Variants in ACTN4 observed in about 807,000 individuals in gnomAD.
ACTN4 encodes the protein alpha-actinin-4.
Under a neutral mutation model 114.2 loss-of-function variants are expected in ACTN4, and 18 were observed. That is an observed-to-expected ratio of 0.16 (90% CI 0.11 to 0.23). The LOEUF (loss-of-function observed/expected upper bound fraction) is 0.23. ACTN4 is among the 10% of genes least tolerant of loss of function. The pLI is 1.00. For missense variants in ACTN4, 722 were observed against 1,262.9 expected (o/e 0.57, Z 6.49); for synonymous variants, 515 against 506.3 (o/e 1.02, Z -0.23).
At chr19:38,710,457 C>G in intron 8 of ACTN4, 115 bp downstream of exon 8, 1 of 1,113,592 alleles carries the variant, frequency 9.0e-7, no homozygotes, top group Non-Finnish European at 1.3e-6. Flanking sequence ...CTCTCTCCAA[C>G]TGGAAGCCAC....
In ACTN4 at chr19:38,658,827, C is replaced by CT. The variant is rs534625864; in HGVS notation, c.162+10930dup. Among the ~76,000 whole-genome samples the CT allele has an allele frequency of 1.1e-3, 163 of 148,836 alleles. 1 individual carries two copies. Among genetic ancestry groups the CT allele is most frequent in the African/African-American group, 3.5e-3 (142 of 40,620 alleles). Reference sequence around the variant, plus strand: ...CATCACCAGGATTGTGAGGCAGTTACTTTTTTTTTTGGATCGTTTGAGCTA... The same window carrying CT: ...CATCACCAGGATTGTGAGGCAGTTACTTTTTTTTTTTGGATCGTTTGAGCTA... On this transcript the variant is annotated intron_variant, in intron 1 of 20. Transcript: ENST00000252699.
At chr19:38,725,657 C>G in intron 16 of ACTN4, 67 bp from the exon 17 acceptor site, 1 of 1,565,532 alleles carries the variant, frequency 6.4e-7, no homozygotes, top group Non-Finnish European at 8.7e-7. Context: ...CGCGAGTGGG[C>G]TCCTCCAGGT....
intron 1 of ACTN4, among the ~76,000 whole-genome samples, chr19:38,675,512 G>A (rs779684788): frequency 1.3e-5 from 2 of 152,230 alleles, no homozygotes; most frequent in Non-Finnish European, 2.9e-5. Flanking sequence ...AGGATTACAG[G>A]CGTGAGCCGC....
intron 1 of ACTN4, among the ~76,000 whole-genome samples, chr19:38,655,598 T>C (rs775344770): frequency 6.6e-6 from 1 of 152,150 alleles, no homozygotes; most frequent in Non-Finnish European, 1.5e-5. Flanking sequence ...CTGTGTGTCA[T>C]CCGGCCATAC....
At chr19:38,686,995 ACT>A (rs1234695587) in intron 1 of ACTN4, among the ~76,000 whole-genome samples, 1 of 137,474 alleles carries the variant, frequency 7.3e-6, no homozygotes, top group Non-Finnish European at 1.5e-5. Flanking sequence ...ACAGAGTCTC[ACT>A]CTGTTGCCCA....
At chr19:38,681,129 G>GA (rs35906770) in intron 1 of ACTN4, among the ~76,000 whole-genome samples, 25,079 of 69,300 alleles carry the variant, frequency 0.36, 5,417 homozygotes, top group Non-Finnish European at 0.45. Context: ...CCAATCTCTA[G>GA]AAAAAAAAAA....
In ACTN4 at chr19:38,717,329, A is replaced by T; in HGVS notation, c.1143+13A>T. ...CAAGATGGTCTCGGTGAGCACCAGG[A>T]TTCACATGGGAGCAGCTGTGAGGGG... On this transcript the variant is annotated intron_variant, in intron 10 of 20. Transcript: ENST00000252699. This position sits in a 1 kb window ranked among gnomAD's most constrained non-coding sequence, Gnocchi z 4.0. 1 of 1,612,692 alleles carries T rather than the reference A, an allele frequency of 6.2e-7. No individual in the cohort carries two copies. The highest frequency in any genetic ancestry group is 8.5e-7 in the Non-Finnish European group (1 of 1,179,548).
chr19:38,654,222 G>T (rs1976646809), intron 1 of ACTN4, among the ~76,000 whole-genome samples: 1 of 152,148 alleles, frequency 6.6e-6, no homozygotes, highest in Non-Finnish European at 1.5e-5. Flanking sequence ...ATCTTATGAA[G>T]GGGAGAAATT....
At position 38,673,670 on chromosome 19, in the gene ACTN4, ATATT is replaced by A. The variant is rs1967260530; in HGVS notation, c.162+25767_162+25770del. ...ATTTATATATTTATATATATTATAT[ATATT>A]TATATATTTATATATATTATATATA... On this transcript the variant is annotated intron_variant, in intron 1 of 20. Coordinates refer to ENST00000252699, the MANE Select transcript of ACTN4 (RefSeq NM_004924.6). Among the ~76,000 whole-genome samples, 3 of 62,512 alleles carry A rather than the reference ATATT, an allele frequency of 4.8e-5. No homozygotes were observed. The South Asian group carries it at 1.2e-3, about 25-fold the overall frequency. The allele number at this position is 62,512 out of a possible 152,430, so 41.0% of individuals were successfully genotyped here.
At chr19:38,711,633 G>A (rs944460782) in intron 8 of ACTN4, among the ~76,000 whole-genome samples, 8 of 152,194 alleles carry the variant, frequency 5.3e-5, no homozygotes, top group Non-Finnish European at 4.4e-5. Context: ...GCTCTCAGGC[G>A]GGGAAACTGA....
chr19:38,654,416 G>T (rs926117905), intron 1 of ACTN4, among the ~76,000 whole-genome samples: 1 of 152,052 alleles, frequency 6.6e-6, no homozygotes, highest in African/African-American at 2.4e-5. Context: ...CAAAAAATTA[G>T]CCGGGCACGG....
chr19:38,653,283 A>G (rs1976622621), intron 1 of ACTN4, among the ~76,000 whole-genome samples: 1 of 152,266 alleles, frequency 6.6e-6, no homozygotes, highest in East Asian at 1.9e-4. Flanking sequence ...AATGGAGCCA[A>G]AAAAGAATTG....
intron 1 of ACTN4, among the ~76,000 whole-genome samples, chr19:38,656,604 G>A (rs912311359): frequency 6.6e-6 from 1 of 152,208 alleles, no homozygotes; most frequent in Non-Finnish European, 1.5e-5. Context: ...AGAAGTAGTT[G>A]GAAGCGGCAG....
In ACTN4 at chr19:38,710,267, C is replaced by T. The variant is rs1968600637; in HGVS notation, c.744C>T (p.Asn248=). Residue 248 remains asparagine, a synonymous_variant, in exon 8 of 21, where the codon AAC becomes AAT. Transcript: ENST00000252699. ...PKMLDAEDIV[N]TARPDEKAIM... Reference sequence around the variant, plus strand: ...GTTGTTCACTTGCAGACATCGTGAACACGGCCCGGCCCGACGAGAAGGCCA... The same window carrying T: ...GTTGTTCACTTGCAGACATCGTGAATACGGCCCGGCCCGACGAGAAGGCCA... The T allele has an allele frequency of 1.9e-6, 3 of 1,614,050 alleles. No homozygotes were observed. The highest frequency in any genetic ancestry group is 1.7e-5 in the Admixed American group (1 of 60,012).
chr19:38,730,599 G>GAGCTAGCACTGTCTT lies in ACTN4; in HGVS notation c.*1169_*1183dup. 1 of 588,752 alleles carries GAGCTAGCACTGTCTT rather than the reference G, an allele frequency of 1.7e-6. No homozygotes were observed. The allele number at this position is 588,752 out of a possible 1,614,324, so 36.5% of individuals were successfully genotyped here. ...TCCACCTTCTAGGAGAGCCAGGGCA[G>GAGCTAGCACTGTCTT]AGCTAGCACTGTCTTAAGCTGTCAA... On this transcript the variant is annotated 3_prime_UTR_variant, in exon 21 of 21. Coordinates refer to ENST00000252699, the MANE Select transcript of ACTN4 (RefSeq NM_004924.6).
rs1568666913 is a variant in ACTN4, at chr19:38,647,923, GC to G, written c.162+18del. ...GCAGCGCAAGGTGCGCGGCCCGCGGGCCGGACGGGCTGGAGGGGCTTTTCTG... is the reference window on the plus strand; with the variant it reads ...GCAGCGCAAGGTGCGCGGCCCGCGGGCGGACGGGCTGGAGGGGCTTTTCTG... On this transcript the variant is annotated intron_variant, in intron 1 of 20. Coordinates refer to ENST00000252699, the MANE Select transcript of ACTN4 (RefSeq NM_004924.6). 1.8e-5 allele frequency: 27 copies of G among 1,480,296 alleles called. No homozygotes were observed. Among genetic ancestry groups the G allele is most frequent in the Non-Finnish European group, 2.4e-5 (27 of 1,114,292 alleles). The allele number at this position is 1,480,296 out of a possible 1,614,324, so 91.7% of individuals were successfully genotyped here.
chr19:38,679,931 C>T (rs560092796), intron 1 of ACTN4, among the ~76,000 whole-genome samples: 1 of 152,284 alleles, frequency 6.6e-6, no homozygotes, highest in South Asian at 2.1e-4. Flanking sequence ...TCTTCCTCAT[C>T]TCCTATGGCT....
At chr19:38,709,741 C>G (rs996870264) in intron 7 of ACTN4, among the ~76,000 whole-genome samples, 1 of 152,200 alleles carries the variant, frequency 6.6e-6, no homozygotes, top group Non-Finnish European at 1.5e-5. Context: ...AGGATCAACT[C>G]TCCTGAGGGT....
chr19:38,696,745 A>G (rs3786843), intron 1 of ACTN4, among the ~76,000 whole-genome samples: 102,784 of 151,880 alleles, frequency 0.68, 35,698 homozygotes, highest in South Asian at 0.82. Flanking sequence ...ATGGGGTGAG[A>G]ACAGGAGTGC....
Sources: allele counts gnomAD v4.1 joint callset (sites outside exome capture counted in the v4.1 genomes callset), GRCh38; gene constraint gnomAD v4.1.1; non-coding constraint Gnocchi (gnomAD v3.1); transcripts MANE v1.5; gene names NCBI Gene and HGNC (gene_info 2026-07-23, HGNC 2026-07-21).